MAMLD1: variants seen among roughly 807,000 people sequenced by gnomAD.
MAMLD1 encodes mastermind like domain containing 1, also known as mastermind-like domain-containing protein 1.
In MAMLD1, 14 loss-of-function variants were observed where a neutral mutation model predicts 45.0. The ratio of observed to expected loss-of-function variants is 0.31; its 90% confidence interval spans 0.21 to 0.49. The LOEUF (loss-of-function observed/expected upper bound fraction) is 0.49. Ranked by LOEUF, MAMLD1 falls within the 20% of genes least tolerant of loss-of-function variation. The pLI, the probability that MAMLD1 is intolerant of heterozygous loss-of-function variation, is 0.99. For synonymous variants in MAMLD1, 254 were observed against 247.8 expected (o/e 1.02, Z -0.24); for missense variants, 543 against 603.6 (o/e 0.90, Z 1.05).
intron 1 of MAMLD1, among the ~76,000 whole-genome samples, chrX:150,405,766 G>T (rs782041433): frequency 9.0e-6 from 1 of 111,515 alleles, no homozygotes; most frequent in Admixed American, 9.5e-5. Flanking sequence ...TAATATCAGC[G>T]AATTCCTCAC....
chrX:150,406,062 C>A lies in MAMLD1; in HGVS notation c.-63-39392C>A, dbSNP rs1557402658. ...GTCTTGAACGTTTATTCAGCCTACC[C>A]TCTTGGCCAGGCATATGTGCTGTGT... On this transcript the variant is annotated intron_variant, in intron 1 of 7. Transcript: ENST00000370401. Among the ~76,000 whole-genome samples, 34 of 111,558 alleles carry A rather than the reference C, an allele frequency of 3.0e-4. No homozygotes were observed. The East Asian group carries it at 9.3e-3, about 31-fold the overall frequency.
At chrX:150,393,194 T>C (rs910823947) in intron 1 of MAMLD1, among the ~76,000 whole-genome samples, 1 of 112,127 alleles carries the variant, frequency 8.9e-6, no homozygotes. Context: ...GTCAGAATCA[T>C]ACGGTATGTA....
chrX:150,416,127 G>A (rs1278324897), intron 1 of MAMLD1, among the ~76,000 whole-genome samples: 1 of 111,669 alleles, frequency 9.0e-6, no homozygotes, highest in Non-Finnish European at 1.9e-5. Context: ...TTGTCCAGGG[G>A]CATGTTTTCC....
intron 2 of MAMLD1, among the ~76,000 whole-genome samples, chrX:150,456,987 C>T (rs1224700660): frequency 8.9e-6 from 1 of 112,784 alleles, no homozygotes; most frequent in Non-Finnish European, 1.9e-5. Context: ...CTCTCCAACT[C>T]AAATGGCAGT....
At chrX:150,378,366 G>GTGAT (rs1396405201) in intron 1 of MAMLD1, among the ~76,000 whole-genome samples, 1 of 112,083 alleles carries the variant, frequency 8.9e-6, no homozygotes, top group Non-Finnish European at 1.9e-5. Flanking sequence ...CCTATTCCTG[G>GTGAT]TGATTGTCAC....
chrX:150,440,407 T>C (rs1333933071), intron 1 of MAMLD1, among the ~76,000 whole-genome samples: 1 of 110,491 alleles, frequency 9.1e-6, no homozygotes, highest in Admixed American at 9.6e-5. Flanking sequence ...TCTTCTCTTT[T>C]CTGTAGGATA....
intron 1 of MAMLD1, among the ~76,000 whole-genome samples, chrX:150,366,379 C>G (rs2031454166): frequency 8.9e-6 from 1 of 112,192 alleles, no homozygotes; most frequent in Non-Finnish European, 1.9e-5. Flanking sequence ...ATACACACAT[C>G]CCAACTGCAT....
chrX:150,395,831 C>G (rs1464996454), intron 1 of MAMLD1, among the ~76,000 whole-genome samples: 2 of 110,371 alleles, frequency 1.8e-5, no homozygotes, highest in Non-Finnish European at 3.8e-5. Context: ...TTTTCCTTAG[C>G]TTTGTCCAGA....
intron 6 of MAMLD1, among the ~76,000 whole-genome samples, chrX:150,505,359 A>G (rs1319682359): frequency 8.9e-6 from 1 of 112,115 alleles, no homozygotes; most frequent in African/African-American, 3.2e-5. Flanking sequence ...CTGGGTGGTC[A>G]TTAGAACATT....
intron 2 of MAMLD1, among the ~76,000 whole-genome samples, chrX:150,455,790 T>C (rs2035842645): frequency 9.2e-6 from 1 of 108,724 alleles, no homozygotes; most frequent in Non-Finnish European, 1.9e-5. Context: ...CTTTTTTTTT[T>C]TTTTGTATAA....
intron 1 of MAMLD1, among the ~76,000 whole-genome samples, chrX:150,429,441 T>G (rs1434998406): frequency 7.2e-5 from 8 of 110,965 alleles, no homozygotes; most frequent in Non-Finnish European, 3.8e-5. Context: ...AGCAGTTAGT[T>G]TCTTACTTGG....
intron 2 of MAMLD1, among the ~76,000 whole-genome samples, chrX:150,458,332 T>C (rs2035934055): frequency 9.0e-6 from 1 of 111,553 alleles, no homozygotes; most frequent in Non-Finnish European, 1.9e-5. Flanking sequence ...TTCTCCCACC[T>C]ACATAGCAGT....
At chrX:150,402,599 G>T (rs145077127) in intron 1 of MAMLD1, among the ~76,000 whole-genome samples, 8,367 of 111,651 alleles carry the variant, frequency 0.075, 270 homozygotes, top group Middle Eastern at 0.11. Context: ...TATAAATCAT[G>T]CTGCTATAAA....
rs782264568 is a variant in MAMLD1, at chrX:150,503,262, C to T, written c.2041-12C>T. On this transcript the variant is annotated splice_polypyrimidine_tract_variant and intron_variant, in intron 5 of 7. Coordinates refer to ENST00000370401, the MANE Select transcript of MAMLD1 (RefSeq NM_005491.5). ...CCAAGCAGCTGATGGATTGTTCAAT[C>T]GGTTGTTGTAGACTCATGTAGACAA... 6.6e-6 allele frequency: 8 copies of T among 1,204,964 alleles called. No individual in the cohort carries two copies. In the African/African-American group the frequency reaches 1.2e-4, roughly 18 times the overall value.
rs1557404763 is a variant in MAMLD1, at chrX:150,445,629, T to G, written c.96+17T>G. 24 of 1,065,397 alleles carry G rather than the reference T, an allele frequency of 2.3e-5. No individual in the cohort carries two copies. Among genetic ancestry groups the G allele is most frequent in the Non-Finnish European group, 2.9e-5 (22 of 765,426 alleles). The allele number at this position is 1,065,397 out of a possible 1,213,427, so 87.8% of individuals were successfully genotyped here. ...CAGGAATCGGTCAGACAATGGGCCA[T>G]GGGGGGAGGGGGGTATTTAATGCTT... is the stretch of plus-strand genomic sequence containing the variant. On this transcript the variant is annotated intron_variant, in intron 2 of 7. Coordinates refer to ENST00000370401, the MANE Select transcript of MAMLD1 (RefSeq NM_005491.5).
chrX:150,513,864 C>T lies in MAMLD1; in HGVS notation c.*1905C>T, dbSNP rs1480270474. On this transcript the variant is annotated 3_prime_UTR_variant, in exon 8 of 8. Coordinates refer to ENST00000370401, the MANE Select transcript of MAMLD1 (RefSeq NM_005491.5). ...CCTCGTGGGGTTAAGGCGAGCTGTT[C>T]CTGGTTTAAAGCCTTTCAGTATTTG... 1 of 296,034 alleles carries T rather than the reference C, an allele frequency of 3.4e-6. No homozygotes were observed. Among genetic ancestry groups the T allele is most frequent in the African/African-American group, 2.7e-5 (1 of 36,409 alleles). 24.4% of individuals were successfully genotyped at this position (296,034 alleles called of 1,213,427 possible).
intron 2 of MAMLD1, among the ~76,000 whole-genome samples, chrX:150,455,863 T>G (rs2035847510): frequency 9.2e-6 from 1 of 108,594 alleles, no homozygotes; most frequent in Non-Finnish European, 1.9e-5. Context: ...GTCCAGTCAG[T>G]GTACCCTGGC....
chrX:150,402,407 A>C (rs1402429218), intron 1 of MAMLD1, among the ~76,000 whole-genome samples: 7 of 108,534 alleles, frequency 6.4e-5, no homozygotes, highest in Admixed American at 1.9e-4. Flanking sequence ...GCGATCATTA[A>C]AAAGTCAGGA....
intron 5 of MAMLD1, 95 bp from the exon 6 acceptor site, chrX:150,503,179 C>T: frequency 1.3e-6 from 1 of 787,389 alleles, no homozygotes; most frequent in Non-Finnish European, 2.0e-6. Flanking sequence ...CCACAACACC[C>T]AGATGACCCA....
Sources: allele counts gnomAD v4.1 joint callset (sites outside exome capture counted in the v4.1 genomes callset), GRCh38; gene constraint gnomAD v4.1.1; transcripts MANE v1.5; gene names NCBI Gene and HGNC (gene_info 2026-07-23, HGNC 2026-07-21).